The following INSL6 variants were observed in gnomAD, a reference collection of about 807,000 sequenced individuals.
INSL6 encodes insulin like 6.
Under a neutral mutation model 9.4 loss-of-function variants are expected in INSL6, and 16 were observed. That is an observed-to-expected ratio of 1.70 (90% CI 1.15 to 2.59). The LOEUF is 2.59. Among genes scored for constraint, INSL6 ranks in the 30% most tolerant of loss-of-function variants. The probability of loss-of-function intolerance (pLI) is 0.00; values close to 1 mark genes in which losing one functional copy is unlikely to be tolerated. For missense variants in INSL6, 391 were observed against 257.3 expected, an observed-to-expected ratio of 1.52 and a Z score of -3.56; for synonymous variants, 154 against 96.9, an observed-to-expected ratio of 1.59 and a Z score of -3.46.
the INSL6 span, chr9:5,094,872 C>T: frequency 2.0e-5 from 3 of 152,158 alleles, no homozygotes; most frequent in Non-Finnish European, 2.9e-5. Context: ...CTTTTAACCA[C>T]CGTTTTTATG....
Position 5,163,876 on chromosome 9 carries a change from T to C in INSL6, c.*37A>G, listed in dbSNP as rs760985669. On this transcript the variant is annotated 3_prime_UTR_variant, in exon 2 of 2. Coordinates refer to ENST00000381641, the MANE Select transcript of INSL6 (RefSeq NM_007179.3). ...AAAAAAATAGAGTTAAATAAATGTATTAAGCTTTTATTAGGTTAGAAAAAA... is the reference window on the plus strand; with the variant it reads ...AAAAAAATAGAGTTAAATAAATGTACTAAGCTTTTATTAGGTTAGAAAAAA... 11 of 1,310,158 alleles carry C rather than the reference T, an allele frequency of 8.4e-6. No individual in the cohort carries two copies. The Admixed American group carries it at 1.8e-4, about 21-fold the overall frequency. The allele number at this position is 1,310,158 out of a possible 1,614,324, so 81.2% of individuals were successfully genotyped here. A position where few individuals can be genotyped will look rare whatever the true frequency, so the allele number is the denominator to read the frequency against.
the INSL6 span, chr9:5,089,941 T>A: frequency 2.0e-6 from 2 of 1,002,184 alleles, no homozygotes; most frequent in Non-Finnish European, 2.7e-6. Context: ...TACAATGTCT[T>A]AACGATCTGG....
At chr9:4,999,204 C>T in the INSL6 span, among the ~76,000 whole-genome samples, 4 of 152,144 alleles carry the variant, frequency 2.6e-5, no homozygotes, top group African/African-American at 4.8e-5. Context: ...CATTTGACTT[C>T]GGTAGCCCTT....
chr9:5,071,167 T>C, the INSL6 span, among the ~76,000 whole-genome samples: 1 of 152,162 alleles, frequency 6.6e-6, no homozygotes, highest in Non-Finnish European at 1.5e-5. Context: ...CTCCTAATAT[T>C]GTGTGGTGCT....
In INSL6 at chr9:5,168,778, C is replaced by A. The variant is rs115207600; in HGVS notation, c.290-4513G>T. 5.8e-3 allele frequency among the ~76,000 whole-genome samples: 858 copies of A among 148,244 alleles called. 4 individuals carry two copies. Among genetic ancestry groups the A allele is most frequent in the African/African-American group, 0.02 (792 of 38,692 alleles). Reference sequence around the variant, plus strand: ...GAAGATCAGCCCAATGACATATAATCATCAGTTCTCCAAGGTCAAAATGAA... The same window carrying A: ...GAAGATCAGCCCAATGACATATAATAATCAGTTCTCCAAGGTCAAAATGAA... On this transcript the variant is annotated intron_variant, in intron 1 of 1. Transcript: ENST00000381641.
chr9:5,133,095 G>A (rs929198007), intron 3 of INSL6, among the ~76,000 whole-genome samples: 16 of 152,158 alleles, frequency 1.1e-4, no homozygotes, highest in African/African-American at 3.9e-4. Context: ...GAAAACTGAT[G>A]TTGGAGGATG....
At chr9:5,024,680 G>C in the INSL6 span, among the ~76,000 whole-genome samples, 1 of 151,998 alleles carries the variant, frequency 6.6e-6, no homozygotes, top group Admixed American at 6.6e-5. Flanking sequence ...CTCAACTTTA[G>C]ACCTCTGCCC....
At chr9:5,135,956 C>A (rs1824380529) in intron 2 of INSL6, among the ~76,000 whole-genome samples, 1 of 151,994 alleles carries the variant, frequency 6.6e-6, no homozygotes, top group South Asian at 2.1e-4. Context: ...ACCATCAATC[C>A]CACAGAAATA....
chr9:5,055,708 G>T, the INSL6 span: 1 of 1,588,040 alleles, frequency 6.3e-7, no homozygotes, highest in Non-Finnish European at 8.6e-7. Flanking sequence ...TATTATTGAT[G>T]TCAGTATTAA....
chr9:5,029,080 G>GT, the INSL6 span, among the ~76,000 whole-genome samples: 1 of 152,176 alleles, frequency 6.6e-6, no homozygotes, highest in Non-Finnish European at 1.5e-5. Flanking sequence ...TCCTCACTTA[G>GT]TTTAATTATT....
At chr9:5,032,633 C>T in the INSL6 span, among the ~76,000 whole-genome samples, 1 of 152,228 alleles carries the variant, frequency 6.6e-6, no homozygotes, top group Non-Finnish European at 1.5e-5. Context: ...CCCAGGCAAA[C>T]AGGGTCTGGA....
At chr9:5,134,974 T>C (rs1824364501) in intron 2 of INSL6, among the ~76,000 whole-genome samples, 1 of 151,694 alleles carries the variant, frequency 6.6e-6, no homozygotes. Flanking sequence ...AGGCTCAAAA[T>C]AAAGGAATGG....
At chr9:5,155,484 A>G (rs1272946804) in intron 2 of INSL6, among the ~76,000 whole-genome samples, 3 of 151,878 alleles carry the variant, frequency 2.0e-5, no homozygotes, top group Non-Finnish European at 2.9e-5. Context: ...ATTTAAAAAA[A>G]AAACCTGGAG....
chr9:5,078,723 T>C, the INSL6 span, among the ~76,000 whole-genome samples: 1 of 152,190 alleles, frequency 6.6e-6, no homozygotes, highest in Non-Finnish European at 1.5e-5. Context: ...TAGTATGAAG[T>C]TTTGTAATAT....
At chr9:5,082,131 GAAAGA>G in the INSL6 span, among the ~76,000 whole-genome samples, 12,133 of 152,180 alleles carry the variant, frequency 0.08, 1,469 homozygotes, top group African/African-American at 0.27. Flanking sequence ...AAAGTATAGA[GAAAGA>G]AAAGTGGGCC....
the INSL6 span, chr9:5,085,860 A>G: frequency 1.3e-6 from 1 of 778,392 alleles, no homozygotes; most frequent in Non-Finnish European, 2.4e-6. Flanking sequence ...GTACTCAGAG[A>G]TTTCCTTAAG....
the INSL6 span, among the ~76,000 whole-genome samples, chr9:5,075,090 T>C: frequency 6.6e-6 from 1 of 151,978 alleles, no homozygotes; most frequent in Admixed American, 6.6e-5. Context: ...TGCTCTTAAA[T>C]TCTATGAAGG....
chr9:5,122,008 T>C (rs558583201), downstream of INSL6, among the ~76,000 whole-genome samples: 39 of 152,226 alleles, frequency 2.6e-4, no homozygotes, highest in South Asian at 7.9e-3. Flanking sequence ...AAAGACTAAA[T>C]GTAAAAAGAA....
chr9:5,074,862 C>T, the INSL6 span, among the ~76,000 whole-genome samples: 1 of 152,034 alleles, frequency 6.6e-6, no homozygotes, highest in African/African-American at 2.4e-5. Context: ...TGCTGAAAGC[C>T]AAGACAAGCT....
Sources: allele counts gnomAD v4.1 joint callset (sites outside exome capture counted in the v4.1 genomes callset), GRCh38; gene constraint gnomAD v4.1.1; transcripts MANE v1.5; gene names NCBI Gene and HGNC (gene_info 2026-07-23, HGNC 2026-07-21).